Variants in WIPI1 observed in about 807,000 individuals in gnomAD.
WIPI1 encodes the protein WD repeat domain phosphoinositide-interacting protein 1.
In WIPI1, 45 loss-of-function variants were observed where a neutral mutation model predicts 55.3. The ratio of observed to expected loss-of-function variants is 0.81; its 90% CI spans 0.64 to 1.04. The LOEUF (loss-of-function observed/expected upper bound fraction) is 1.04, where lower values mean the gene tolerates loss of function less well. Ranked by LOEUF, WIPI1 falls within the 50% of genes least tolerant of loss-of-function variation. The pLI is 0.00. For missense variants in WIPI1, 445 were observed against 559.0 expected (o/e 0.80, Z 2.06); for synonymous variants, 195 against 217.6 (o/e 0.90, Z 0.92).
At chr17:68,437,947 TTAAAAAAAAAA>T (rs1461013462) in intron 4 of WIPI1, among the ~76,000 whole-genome samples, 3 of 58,810 alleles carry the variant, frequency 5.1e-5, no homozygotes, top group South Asian at 1.3e-3. Flanking sequence ...GACATCTCTC[TTAAAAAAAAAA>T]AAAAAAAAAA....
At chr17:68,434,272 T>A (rs778380915) in intron 7 of WIPI1, among the ~76,000 whole-genome samples, 3 of 152,162 alleles carry the variant, frequency 2.0e-5, no homozygotes, top group Non-Finnish European at 4.4e-5. Context: ...AAATTATTTT[T>A]GGATTGTGAC....
chr17:68,427,385 C>A, intron 10 of WIPI1, 132 bp from the exon 11 acceptor site: 2 of 692,730 alleles, frequency 2.9e-6, no homozygotes, highest in Non-Finnish European at 4.8e-6. Flanking sequence ...GAGGCAGGGT[C>A]TTGCTCTATT....
chr17:68,453,046 C>A, intron 1 of WIPI1, 54 bp from the exon 2 acceptor site: 1 of 1,485,998 alleles, frequency 6.7e-7, no homozygotes, highest in Admixed American at 1.7e-5. Context: ...AACAACAGAT[C>A]TGTCTGCAAA....
chr17:68,424,443 C>A (rs748440771), intron 12 of WIPI1: 2 of 534,750 alleles, frequency 3.7e-6, no homozygotes, highest in African/African-American at 3.8e-5. Context: ...GCACTCCATC[C>A]TTTTACAATT....
intron 1 of WIPI1, 37 bp downstream of exon 1, chr17:68,457,305 C>G (rs769336214): frequency 1.3e-6 from 2 of 1,537,928 alleles, no homozygotes; most frequent in African/African-American, 1.4e-5. Context: ...GACACTCTGT[C>G]CCCCACCTCC....
intron 3 of WIPI1, among the ~76,000 whole-genome samples, chr17:68,444,881 TCTC>T (rs1357047979): frequency 6.6e-6 from 1 of 150,976 alleles, no homozygotes; most frequent in Non-Finnish European, 1.5e-5. Context: ...CTCTCTTCCT[TCTC>T]CTTCTTTCCT....
chr17:68,441,853 A>G (rs1473903982), intron 4 of WIPI1, among the ~76,000 whole-genome samples: 1 of 152,214 alleles, frequency 6.6e-6, no homozygotes, highest in African/African-American at 2.4e-5. Flanking sequence ...ACCTTGGGCT[A>G]TATCTCCAAA....
chr17:68,450,908 A>C lies in WIPI1; in HGVS notation c.164-11T>G, dbSNP rs2084474499. 3.1e-6 allele frequency: 5 copies of C among 1,609,356 alleles called. No homozygotes were observed. The highest frequency in any genetic ancestry group is 4.2e-6 in the Non-Finnish European group (5 of 1,177,806). ...CGTCCGGGATTTCATCTGGGAGGAA[A>C]AGCAGCCGGGAGGTTACATGGATTG... On this transcript the variant is annotated splice_polypyrimidine_tract_variant and intron_variant, in intron 2 of 12. Transcript: ENST00000262139.
chr17:68,423,951 T>C lies in WIPI1; in HGVS notation c.1293+2124A>G, dbSNP rs1300125395. Reference sequence around the variant, plus strand: ...AATTAGTGAAACGGAACCTAGTGAGTGTCTGGATGTGGTAAACCCTGACAG... The same window carrying C: ...AATTAGTGAAACGGAACCTAGTGAGCGTCTGGATGTGGTAAACCCTGACAG... On this transcript the variant is annotated intron_variant, in intron 12 of 12. Transcript: ENST00000262139. The surrounding 1 kb of genome is among the most constrained non-coding windows in gnomAD (Gnocchi z 4.4). 1.3e-5 allele frequency among the ~76,000 whole-genome samples: 2 copies of C among 152,158 alleles called. No homozygotes were observed.
intron 4 of WIPI1, 68 bp from the exon 5 acceptor site, chr17:68,436,547 AT>A: frequency 1.4e-6 from 2 of 1,460,936 alleles, no homozygotes; most frequent in Admixed American, 3.5e-5. Context: ...TGGAGAGGGC[AT>A]CTGAAAACAG....
In WIPI1 at chr17:68,427,124, T is replaced by C. The variant is rs200964293; in HGVS notation, c.1192+11A>G. On this transcript the variant is annotated intron_variant, in intron 11 of 12. Coordinates refer to ENST00000262139, the MANE Select transcript of WIPI1 (RefSeq NM_017983.7). ...TGGAGATGCTCCCCTGTTGGCCCCGTGTCCACCCACCTGGCACCGTGGAGG... is the reference window on the plus strand; with the variant it reads ...TGGAGATGCTCCCCTGTTGGCCCCGCGTCCACCCACCTGGCACCGTGGAGG... 175 of 1,611,120 alleles carry C rather than the reference T, an allele frequency of 1.1e-4. No homozygotes were observed. The African/African-American group carries it at 1.9e-3, about 17-fold the overall frequency.
intron 7 of WIPI1, among the ~76,000 whole-genome samples, chr17:68,433,837 C>A (rs562657003): frequency 1.6e-5 from 2 of 123,518 alleles, no homozygotes; most frequent in African/African-American, 6.4e-5. Context: ...GGCTGGAGTA[C>A]GGTGGCTTGA....
rs1248536841 is a variant in WIPI1 at position 68,421,754 on chromosome 17, T to A, written c.*19A>T. ...CACCTGATAGGGGGGATGTCCTGAT[T>A]TCTGAGGTGTGCTTCTCATCATGAC... On this transcript the variant is annotated 3_prime_UTR_variant, in exon 13 of 13. Transcript: ENST00000262139. 6.2e-7 allele frequency: 1 copy of A among 1,614,194 alleles called. No individual in the cohort carries two copies.
At chr17:68,431,378 C>T (rs12453629) in intron 8 of WIPI1, among the ~76,000 whole-genome samples, 34,557 of 151,608 alleles carry the variant, frequency 0.23, 4,574 homozygotes, top group Middle Eastern at 0.35. Flanking sequence ...GCATGGAGCC[C>T]GGCACGTGGC....
At chr17:68,428,764 G>A in intron 10 of WIPI1, 65 bp downstream of exon 10, 2 of 1,282,778 alleles carry the variant, frequency 1.6e-6, no homozygotes, top group African/African-American at 2.9e-5. Context: ...TGTCGTTCTT[G>A]GCGAAGGGAC....
intron 1 of WIPI1, among the ~76,000 whole-genome samples, chr17:68,454,801 T>C (rs2084605001): frequency 6.6e-6 from 1 of 152,196 alleles, no homozygotes. Context: ...CTTATAACAT[T>C]AATGCAAAGT....
chr17:68,435,650 T>A lies in WIPI1; in HGVS notation c.591A>T (p.Ser197=), dbSNP rs762109978. The A allele has an allele frequency of 1.2e-6, 2 of 1,614,096 alleles. No individual in the cohort carries two copies. Among genetic ancestry groups the A allele is most frequent in the Non-Finnish European group, 1.7e-6 (2 of 1,180,032 alleles). Residue 197 remains serine, a synonymous_variant, in exon 6 of 13, where the codon TCA becomes TCT. Coordinates refer to ENST00000262139, the MANE Select transcript of WIPI1 (RefSeq NM_017983.7). ...GTLAAITFNA[S]GSKLASASEK... is the part of the protein sequence containing the mutation. ...CAGACGCACTTGCTAGTTTGGAGCC[T>A]GAGGCATTGAAGGTGATGGCAGCTA...
intron 12 of WIPI1, among the ~76,000 whole-genome samples, chr17:68,425,052 T>A (rs1237944708): frequency 1.3e-5 from 2 of 152,178 alleles, no homozygotes; most frequent in Non-Finnish European, 2.9e-5. Context: ...TTGTCTTCAG[T>A]TCCAGGTGAT....
chr17:68,451,132 TAAAGA>T (rs914296846), intron 2 of WIPI1, among the ~76,000 whole-genome samples: 2 of 152,166 alleles, frequency 1.3e-5, no homozygotes, highest in African/African-American at 2.4e-5. Flanking sequence ...ATATCTAAAG[TAAAGA>T]AAACACTAGT....
Sources: gnomAD v4.1 joint callset for allele counts (sites outside exome capture counted in the v4.1 genomes callset) on GRCh38, gnomAD v4.1.1 for gene constraint, Gnocchi (gnomAD v3.1) non-coding constraint, MANE v1.5 for transcripts, NCBI Gene and HGNC (gene_info 2026-07-23, HGNC 2026-07-21) for gene names.